TMED8: variants seen among roughly 807,000 people sequenced by gnomAD.
The protein encoded by TMED8 is protein TMED8.
A neutral mutation model predicts 32.7 loss-of-function variants in TMED8; 15 were observed. The observed-to-expected ratio is 0.46, with a 90% CI of 0.31 to 0.71. TMED8 has a LOEUF of 0.71. Among genes scored for constraint, TMED8 ranks in the 30% least tolerant of loss-of-function variants. The pLI is 0.06. For synonymous variants in TMED8, 147 were observed against 161.4 expected (o/e 0.91, Z 0.68); for missense variants, 390 against 423.9 (o/e 0.92, Z 0.70).
chr14:77,373,244 A>G (rs1566696811), intron 1 of TMED8, among the ~76,000 whole-genome samples: 2 of 151,612 alleles, frequency 1.3e-5, no homozygotes, highest in Admixed American at 6.6e-5. Context: ...CATACACACC[A>G]AACTAAGTTC....
rs1212421545 is a variant in TMED8, at chr14:77,376,714, CAGGA to C, written c.118+218_118+221del. 1 of 332,158 alleles carries C rather than the reference CAGGA, an allele frequency of 3.0e-6. No homozygotes were observed. The highest frequency in any genetic ancestry group is 5.4e-6 in the Non-Finnish European group (1 of 184,080). The allele number at this position is 332,158 out of a possible 1,614,324, so 20.6% of individuals were successfully genotyped here. On this transcript the variant is annotated intron_variant, in intron 1 of 5. Coordinates refer to ENST00000216468, the MANE Select transcript of TMED8 (RefSeq NM_213601.3). The surrounding 1 kb of genome is among the most constrained non-coding windows in gnomAD (Gnocchi z 4.0). ...GGCAGATCTCAGAAAGGAAGCGGGGCAGGAATCAAGGCATTTCGAAACAGGAGTG... is the reference window on the plus strand; with the variant it reads ...GGCAGATCTCAGAAAGGAAGCGGGGCATCAAGGCATTTCGAAACAGGAGTG...
chr14:77,346,092 G>A (rs1478378771), intron 3 of TMED8, among the ~76,000 whole-genome samples: 1 of 151,842 alleles, frequency 6.6e-6, no homozygotes, highest in African/African-American at 2.4e-5. Context: ...GAGGATTTTA[G>A]AGAACACATG....
At position 77,341,754 on chromosome 14, in the gene TMED8, C is replaced by T. The variant is rs1417349645; in HGVS notation, c.*17G>A. On this transcript the variant is annotated 3_prime_UTR_variant, in exon 6 of 6. Coordinates refer to ENST00000216468, the MANE Select transcript of TMED8 (RefSeq NM_213601.3). ...CTTCAGCCAGCAAATACAGCCTGCC[C>T]CTGTCCCAGCAGTCCTTCAGCTGGT... is the stretch of plus-strand genomic sequence containing the variant. The T allele has an allele frequency of 6.2e-7, 1 of 1,613,534 alleles. No homozygotes were observed.
At position 77,340,517 on chromosome 14, in the gene TMED8, TCTC is replaced by T. The variant is rs1224074702; in HGVS notation, c.*1251_*1253del. On this transcript the variant is annotated 3_prime_UTR_variant, in exon 6 of 6. Coordinates refer to ENST00000216468, the MANE Select transcript of TMED8 (RefSeq NM_213601.3). ...CTGCTGAGGTCCCATCTCACCTCCG[TCTC>T]CTCCTCCGCCTGGGGGCCCAGCAGC... is the stretch of plus-strand genomic sequence containing the variant. 1.3e-5 allele frequency: 2 copies of T among 152,162 alleles called. No homozygotes were observed. The highest frequency in any genetic ancestry group is 2.4e-5 in the African/African-American group (1 of 41,438). 9.4% of individuals were successfully genotyped at this position (152,162 alleles called of 1,614,324 possible).
intron 1 of TMED8, among the ~76,000 whole-genome samples, chr14:77,356,008 T>A (rs1893282813): frequency 6.6e-6 from 1 of 152,130 alleles, no homozygotes; most frequent in Admixed American, 6.6e-5. Flanking sequence ...CAATGATGCA[T>A]TCAAGTAAAG....
In TMED8 at chr14:77,377,014, TC is replaced by T; in HGVS notation, c.39del (p.Trp13Ter). On this transcript the variant is annotated frameshift_variant, in exon 1 of 6. Transcript: ENST00000216468. LOFTEE classifies it high-confidence loss of function. ...DLQAAEGPGS[W>X]SPTARPGSAG... ...GCCGACCCTGGGCGGGCTGTGGGGCTCCAGGAGCCCGGCCCCTCAGCCGCCT... is the reference window on the plus strand; with the variant it reads ...GCCGACCCTGGGCGGGCTGTGGGGCTCAGGAGCCCGGCCCCTCAGCCGCCT... 7.1e-7 allele frequency: 1 copy of T among 1,410,968 alleles called. No homozygotes were observed. Among genetic ancestry groups the T allele is most frequent in the Non-Finnish European group, 9.2e-7 (1 of 1,092,510 alleles). The allele number at this position is 1,410,968 out of a possible 1,614,324, so 87.4% of individuals were successfully genotyped here.
Position 77,377,036 on chromosome 14 carries a change from C to A in TMED8, c.18G>T (p.Ala6=), listed in dbSNP as rs1480986068. The A allele has an allele frequency of 7.2e-7, 1 of 1,383,754 alleles. No homozygotes were observed. Among genetic ancestry groups the A allele is most frequent in the Admixed American group, 3.7e-5 (1 of 27,258 alleles). The allele number at this position is 1,383,754 out of a possible 1,614,324, so 85.7% of individuals were successfully genotyped here. A position where few individuals can be genotyped will look rare whatever the true frequency, so the allele number is the denominator to read the frequency against. MSDLQ[A]AEGPGSWSPT... ...GGCTCCAGGAGCCCGGCCCCTCAGC[C>A]GCCTGCAGGTCAGACATCTGCAGCC... The change falls in exon 1 of 6, where the codon GCG becomes GCT. Residue 6 remains alanine, a synonymous_variant. Coordinates refer to ENST00000216468, the MANE Select transcript of TMED8 (RefSeq NM_213601.3).
chr14:77,353,435 C>CTTT (rs1427452421), intron 1 of TMED8, among the ~76,000 whole-genome samples: 1 of 138,824 alleles, frequency 7.2e-6, no homozygotes, highest in African/African-American at 2.7e-5. Context: ...CTTTTCTTTT[C>CTTT]TTTGTTTTTT....
intron 1 of TMED8, among the ~76,000 whole-genome samples, chr14:77,368,790 T>C (rs1893612319): frequency 6.6e-6 from 1 of 152,218 alleles, no homozygotes; most frequent in South Asian, 2.1e-4. Context: ...TTATTATTTA[T>C]AGGAGTTTTA....
chr14:77,346,600 T>C lies in TMED8; in HGVS notation c.198-122A>G. The C allele has an allele frequency of 3.9e-6, 5 of 1,288,528 alleles. No homozygotes were observed. The South Asian group carries it at 6.5e-5, about 17-fold the overall frequency. 79.8% of individuals were successfully genotyped at this position (1,288,528 alleles called of 1,614,324 possible). Reference sequence around the variant, plus strand: ...CTGCCCCACCTGCCCCTGGCATTTATTTAGCTCTACTGTCACCTTAGCCGA... The same window carrying C: ...CTGCCCCACCTGCCCCTGGCATTTACTTAGCTCTACTGTCACCTTAGCCGA... On this transcript the variant is annotated intron_variant, in intron 2 of 5. Coordinates refer to ENST00000216468, the MANE Select transcript of TMED8 (RefSeq NM_213601.3).
At chr14:77,347,355 C>T (rs1227473235) in intron 2 of TMED8, among the ~76,000 whole-genome samples, 1 of 152,206 alleles carries the variant, frequency 6.6e-6, no homozygotes, top group Non-Finnish European at 1.5e-5. Flanking sequence ...CGTTTCATAC[C>T]CTGTCCCCGT....
chr14:77,340,325 C>T lies in TMED8; in HGVS notation c.*1446G>A, dbSNP rs1217696857. On this transcript the variant is annotated 3_prime_UTR_variant, in exon 6 of 6. Transcript: ENST00000216468. ...AAGAGGGGGCTTCAGTGGCTCAGAA[C>T]AGATGGGAAGCCTTCTGAGAAACAG... 6.6e-6 allele frequency: 1 copy of T among 152,138 alleles called. No individual in the cohort carries two copies. Among genetic ancestry groups the T allele is most frequent in the East Asian group, 1.9e-4 (1 of 5,200 alleles). The allele number at this position is 152,138 out of a possible 1,614,324, so 9.4% of individuals were successfully genotyped here. A position where few individuals can be genotyped will look rare whatever the true frequency, so the allele number is the denominator to read the frequency against.
intron 1 of TMED8, among the ~76,000 whole-genome samples, chr14:77,371,379 G>T (rs1309483995): frequency 6.6e-6 from 1 of 152,140 alleles, no homozygotes; most frequent in African/African-American, 2.4e-5. Flanking sequence ...TATGATTTAG[G>T]TTGAGCATTT....
intron 4 of TMED8, 73 bp from the exon 5 acceptor site, chr14:77,343,556 G>C: frequency 6.3e-7 from 1 of 1,583,346 alleles, no homozygotes; most frequent in Admixed American, 1.7e-5. Flanking sequence ...TGCTAAGAGA[G>C]GCTGGCACAG....
chr14:77,344,825 G>T (rs1029525704), intron 3 of TMED8, among the ~76,000 whole-genome samples: 3 of 152,184 alleles, frequency 2.0e-5, no homozygotes, highest in Non-Finnish European at 4.4e-5. Context: ...AAGCCCTCCA[G>T]TTCTCATCTC....
intron 3 of TMED8, among the ~76,000 whole-genome samples, chr14:77,345,689 G>T (rs1167640205): frequency 6.9e-6 from 1 of 145,422 alleles, no homozygotes; most frequent in East Asian, 2.1e-4. Flanking sequence ...AAAAATCAAG[G>T]CCAGGCACAG....
At chr14:77,347,144 C>A (rs934319024) in intron 2 of TMED8, among the ~76,000 whole-genome samples, 9 of 152,136 alleles carry the variant, frequency 5.9e-5, no homozygotes, top group Non-Finnish European at 8.8e-5. Context: ...AATGTTATTC[C>A]TCACTCTGCG....
chr14:77,346,867 G>A (rs1893060916), intron 2 of TMED8, among the ~76,000 whole-genome samples: 1 of 143,406 alleles, frequency 7.0e-6, no homozygotes, highest in African/African-American at 2.6e-5. Flanking sequence ...TTTGATATAT[G>A]TACACATTGT....
chr14:77,343,665 C>G (rs953506732), intron 4 of TMED8, 32 bp downstream of exon 4: 19 of 1,612,536 alleles, frequency 1.2e-5, no homozygotes, highest in Non-Finnish European at 1.5e-5. Flanking sequence ...CTACTGGAAA[C>G]AAACCACCTC....
Sources: allele counts gnomAD v4.1 joint callset (sites outside exome capture counted in the v4.1 genomes callset), GRCh38; gene constraint gnomAD v4.1.1; non-coding constraint Gnocchi (gnomAD v3.1); transcripts MANE v1.5; gene names NCBI Gene and HGNC (gene_info 2026-07-23, HGNC 2026-07-21).